Variants in ABCB9 observed in about 807,000 individuals in gnomAD.
The protein encoded by ABCB9 is ATP binding cassette subfamily B member 9, also known as ABC-type oligopeptide transporter ABCB9.
ABCB9 carries 36 observed loss-of-function variants against 62.0 expected under a neutral mutation model. That is an observed-to-expected ratio of 0.58 (90% CI 0.45 to 0.77). ABCB9 has a LOEUF of 0.77. ABCB9 is among the 30% of genes least tolerant of loss of function. The pLI, the probability that ABCB9 is intolerant of heterozygous loss-of-function variation, is 0.00. For missense variants in ABCB9, 943 were observed against 1,054.7 expected (o/e 0.89, Z 1.47); for synonymous variants, 435 against 461.4 (o/e 0.94, Z 0.73).
Position 122,932,306 on chromosome 12 carries a change from C to T in ABCB9, c.1926G>A (p.Gln642=), listed in dbSNP as rs927307001. The change falls in exon 11 of 12, where the codon CAG becomes CAA. Residue 642 remains glutamine, a synonymous_variant. Coordinates refer to ENST00000280560, the MANE Select transcript of ABCB9 (RefSeq NM_019625.4). The surrounding 1 kb of genome is among the most constrained non-coding windows in gnomAD (Gnocchi z 4.7). ...CCCGCTGCTTCTGGCCACCTGACAG[C>T]TGGGCGCCCTTCTCCCCTGTCTCTG... ...YSTETGEKGA[Q]LSGGQKQRVA... 5 of 1,551,052 alleles carry T rather than the reference C, an allele frequency of 3.2e-6. No individual in the cohort carries two copies. In the African/African-American group the frequency reaches 5.5e-5, roughly 17 times the overall value.
chr12:122,919,933 G>A (rs1188166884), downstream of ABCB9, among the ~76,000 whole-genome samples: 1 of 143,704 alleles, frequency 7.0e-6, no homozygotes, highest in East Asian at 2.0e-4. Context: ...TTTAGATGGA[G>A]TCTCACTCTG....
chr12:122,958,455 G>C (rs2036725007), intron 2 of ABCB9, among the ~76,000 whole-genome samples: 1 of 152,154 alleles, frequency 6.6e-6, no homozygotes, highest in African/African-American at 2.4e-5. Context: ...CACAAGAATT[G>C]AGTAAGAAAG....
rs528770958 is a variant in ABCB9 at position 122,966,150 on chromosome 12, G to C, written c.-88+137C>G. ...GGCTGCGGGCTCCGGGAGGGCTCCA[G>C]GGAGGCTCCCACCTTCAACCGAGAT... is the stretch of plus-strand genomic sequence containing the variant. On this transcript the variant is annotated intron_variant, in intron 1 of 11. Transcript: ENST00000280560. 2.6e-5 allele frequency: 4 copies of C among 152,548 alleles called. No individual in the cohort carries two copies. The East Asian group carries it at 5.8e-4, about 22-fold the overall frequency. The allele number at this position is 152,548 out of a possible 1,614,324, so 9.4% of individuals were successfully genotyped here. A position where few individuals can be genotyped will look rare whatever the true frequency, so the allele number is the denominator to read the frequency against.
In ABCB9 at chr12:122,959,855, G is replaced by T. The variant is rs370501436; in HGVS notation, c.381C>A (p.Leu127=). The change falls in exon 2 of 12, where the codon CTC becomes CTA. Residue 127 remains leucine (L), a synonymous_variant. Coordinates refer to ENST00000280560, the MANE Select transcript of ABCB9 (RefSeq NM_019625.4). The surrounding 1 kb of genome is among the most constrained non-coding windows in gnomAD (Gnocchi z 5.4). The part of the protein sequence containing the change: ...WALFVWTYIS[L]GASFLLWWLL... Reference sequence around the variant, plus strand: ...GCCACCAGAGCAGGAAGGATGCGCCGAGTGAAATGTACGTCCACACGAACA... The same window carrying T: ...GCCACCAGAGCAGGAAGGATGCGCCTAGTGAAATGTACGTCCACACGAACA... The T allele has an allele frequency of 6.2e-5, 100 of 1,613,290 alleles. No homozygotes were observed. In the Middle Eastern group the frequency reaches 8.2e-4, roughly 13 times the overall value.
In ABCB9 at chr12:122,948,733, G is replaced by C; in HGVS notation, c.944C>G (p.Thr315Arg). 1.2e-6 allele frequency: 2 copies of C among 1,613,872 alleles called. No individual in the cohort carries two copies. Among genetic ancestry groups the C allele is most frequent in the African/African-American group, 1.3e-5 (1 of 75,040 alleles). ...GCTGAACATGAAGACCACCACGCCC[G>C]TGACCTTGACTGTGTTCCGCAGGAA... ...NVFLRNTVKV[T>R]GVVVFMFSLS... The change falls in exon 5 of 12, where the codon ACG becomes AGG. Residue 315 changes from threonine to arginine, a missense_variant. Transcript: ENST00000280560.
chr12:122,959,372 T>C lies in ABCB9; in HGVS notation c.601+263A>G, dbSNP rs767920144. On this transcript the variant is annotated intron_variant, in intron 2 of 11. Transcript: ENST00000280560. This position sits in a 1 kb window ranked among gnomAD's most constrained non-coding sequence, Gnocchi z 5.4. ...GTTTCGAAAAAATAAATAAATACAA[T>C]AAATAAATAAATAAATAAAATAGAA... is the stretch of plus-strand genomic sequence containing the variant. Among the ~76,000 whole-genome samples, 13 of 151,550 alleles carry C rather than the reference T, an allele frequency of 8.6e-5. No homozygotes were observed. Among genetic ancestry groups the C allele is most frequent in the Non-Finnish European group, 1.5e-4 (10 of 67,902 alleles).
intron 2 of ABCB9, among the ~76,000 whole-genome samples, chr12:122,958,852 A>G (rs2036746739): frequency 6.6e-6 from 1 of 151,940 alleles, no homozygotes; most frequent in Admixed American, 6.5e-5. Context: ...AAAAAAGAAA[A>G]AAACAGGAGT....
intron 1 of ABCB9, among the ~76,000 whole-genome samples, chr12:122,973,388 C>A (rs2037309086): frequency 6.7e-6 from 1 of 148,986 alleles, no homozygotes; most frequent in Admixed American, 6.7e-5. Context: ...CAAGGTGAAA[C>A]CCCGTCTCTA....
At chr12:122,967,617 T>C (rs1298735056), upstream of ABCB9, among the ~76,000 whole-genome samples, 1 of 152,188 alleles carries the variant, frequency 6.6e-6, no homozygotes, top group Non-Finnish European at 1.5e-5. Flanking sequence ...GCTTCCCAGG[T>C]AGATGGGATT....
Position 122,929,574 on chromosome 12 carries a change from GA to G in ABCB9, c.*336del. On this transcript the variant is annotated 3_prime_UTR_variant, in exon 12 of 12. Transcript: ENST00000280560. The surrounding 1 kb of genome is among the most constrained non-coding windows in gnomAD (Gnocchi z 6.0). Reference sequence around the variant, plus strand: ...AAGTGCCCGCCATTACTCCCAATTAGAAAAAGGTTTTTGAAATCTAGGAGTT... The same window carrying G: ...AAGTGCCCGCCATTACTCCCAATTAGAAAAGGTTTTTGAAATCTAGGAGTT... 9.0e-7 allele frequency: 1 copy of G among 1,109,892 alleles called. No homozygotes were observed. The highest frequency in any genetic ancestry group is 1.1e-6 in the Non-Finnish European group (1 of 910,798). The allele number at this position is 1,109,892 out of a possible 1,614,324, so 68.8% of individuals were successfully genotyped here.
At chr12:122,925,335 C>T (rs770123787), downstream of ABCB9, among the ~76,000 whole-genome samples, 4 of 152,106 alleles carry the variant, frequency 2.6e-5, no homozygotes, top group South Asian at 2.1e-4. Flanking sequence ...ATGGTGCAGC[C>T]GCTGTGGAAG....
chr12:122,969,359 G>T (rs750800851), upstream of ABCB9, among the ~76,000 whole-genome samples: 14 of 152,312 alleles, frequency 9.2e-5, no homozygotes, highest in Non-Finnish European at 1.8e-4. Context: ...TGTAGTGATG[G>T]TTGCACAACT....
chr12:122,957,018 T>C (rs1407881270), intron 2 of ABCB9, among the ~76,000 whole-genome samples: 1 of 151,494 alleles, frequency 6.6e-6, no homozygotes, highest in African/African-American at 2.4e-5. Flanking sequence ...CAAGCCAAGC[T>C]CTGTACTTAG....
chr12:122,938,915 T>C (rs949332564), intron 9 of ABCB9, among the ~76,000 whole-genome samples: 1 of 152,050 alleles, frequency 6.6e-6, no homozygotes, highest in Admixed American at 6.6e-5. Flanking sequence ...CTCACGCCTA[T>C]AAACCCAACA....
chr12:122,931,973 GC>G, intron 11 of ABCB9: 1 of 752,506 alleles, frequency 1.3e-6, no homozygotes, highest in Non-Finnish European at 2.1e-6. Flanking sequence ...GCCTTCTCTT[GC>G]CCCACACCAT....
At chr12:122,950,018 G>A (rs975416975) in intron 3 of ABCB9, 100 bp from the exon 4 acceptor site, 134 of 1,508,346 alleles carry the variant, frequency 8.9e-5, no homozygotes, top group Non-Finnish European at 1.1e-4. Context: ...GAGCCCCACC[G>A]CAGCCCCACT....
chr12:122,935,241 C>T, intron 10 of ABCB9, 31 bp downstream of exon 10: 1 of 1,575,464 alleles, frequency 6.3e-7, no homozygotes, highest in Non-Finnish European at 8.6e-7. Context: ...ACCCTGTGGG[C>T]CCAGGAGAGG....
upstream of ABCB9, among the ~76,000 whole-genome samples, chr12:122,968,071 A>G (rs58702154): frequency 2.0e-3 from 282 of 139,800 alleles, 3 homozygotes; most frequent in African/African-American, 7.9e-3. Context: ...CTCTGTAGCC[A>G]GAAAAAAAAA....
chr12:122,965,777 AACCT>A (rs1364377161), intron 1 of ABCB9, among the ~76,000 whole-genome samples: 1 of 151,556 alleles, frequency 6.6e-6, no homozygotes, highest in Non-Finnish European at 1.5e-5. Context: ...CTCCCCTGGG[AACCT>A]ACAGGCCTCA....
Sources: allele counts gnomAD v4.1 joint callset (sites outside exome capture counted in the v4.1 genomes callset), GRCh38; gene constraint gnomAD v4.1.1; non-coding constraint Gnocchi (gnomAD v3.1); transcripts MANE v1.5; gene names NCBI Gene and HGNC (gene_info 2026-07-23, HGNC 2026-07-21).